The following PCDH11X variants were observed in gnomAD, a reference collection of about 807,000 sequenced individuals.
The protein encoded by PCDH11X is protocadherin 11 X-linked.
In PCDH11X, 18 loss-of-function variants were observed where a neutral mutation model predicts 53.3. The ratio of observed to expected loss-of-function variants is 0.34; its 90% confidence interval spans 0.23 to 0.50. The LOEUF is 0.50. Ranked by LOEUF, PCDH11X falls within the 20% of genes least tolerant of loss-of-function variation. The pLI, the probability that PCDH11X is intolerant of heterozygous loss-of-function variation, is 0.98. For missense variants in PCDH11X, 570 were observed against 1,032.4 expected (o/e 0.55, Z 6.14); for synonymous variants, 279 against 393.3 (o/e 0.71, Z 3.44).
chrX:92,394,980 G>A (rs12396232), intron 9 of PCDH11X, among the ~76,000 whole-genome samples: 2,322 of 111,174 alleles, frequency 0.021, 51 homozygotes, highest in East Asian at 0.097. Context: ...TGATTTCTGT[G>A]ATTTTTTAGT....
intron 4 of PCDH11X, among the ~76,000 whole-genome samples, chrX:91,817,801 G>A (rs1602278995): frequency 9.0e-6 from 1 of 111,374 alleles, no homozygotes; most frequent in Non-Finnish European, 1.9e-5. Context: ...AATCACCTTC[G>A]TTTCTAATTT....
At chrX:91,966,490 A>G (rs111982896) in intron 6 of PCDH11X, among the ~76,000 whole-genome samples, 8,475 of 105,182 alleles carry the variant, frequency 0.081, 1,105 homozygotes, top group African/African-American at 0.28. Context: ...ACACACCGGG[A>G]CCTGTCGGGG....
chrX:92,267,241 GC>G (rs1417955217), intron 8 of PCDH11X, among the ~76,000 whole-genome samples: 1 of 111,298 alleles, frequency 9.0e-6, no homozygotes, highest in Admixed American at 9.6e-5. Context: ...AGACTAAATT[GC>G]CCTTAGGGTT....
chrX:92,073,998 A>G (rs2063740193), intron 6 of PCDH11X, among the ~76,000 whole-genome samples: 1 of 111,745 alleles, frequency 8.9e-6, no homozygotes, highest in Admixed American at 9.5e-5. Context: ...CACTAAGTTC[A>G]TTTATTTTCT....
chrX:92,086,857 A>G (rs1205495134), intron 6 of PCDH11X, among the ~76,000 whole-genome samples: 2 of 110,752 alleles, frequency 1.8e-5, no homozygotes, highest in Non-Finnish European at 3.8e-5. Flanking sequence ...CAATACAGAT[A>G]TAATAAGCAA....
intron 8 of PCDH11X, among the ~76,000 whole-genome samples, chrX:92,368,158 A>G (rs768873461): frequency 9.7e-6 from 1 of 103,062 alleles, no homozygotes; most frequent in East Asian, 3.1e-4. Context: ...GTCTTTTCAC[A>G]TAGTCCTGTA....
chrX:92,060,351 G>T (rs2063507261), intron 6 of PCDH11X, among the ~76,000 whole-genome samples: 1 of 96,980 alleles, frequency 1.0e-5, no homozygotes, highest in Non-Finnish European at 2.1e-5. Context: ...TTTATTTTAG[G>T]TTCATGGGTA....
intron 9 of PCDH11X, among the ~76,000 whole-genome samples, chrX:92,448,068 A>G (rs2072695490): frequency 9.9e-6 from 1 of 101,266 alleles, no homozygotes; most frequent in Non-Finnish European, 2.0e-5. Context: ...CTGTACTCCC[A>G]TTGTATCTAG....
rs1569497552 is a variant in PCDH11X, at chrX:92,508,222, TG to T, written c.3367+39901del. Among the ~76,000 whole-genome samples, 331 of 64,221 alleles carry T rather than the reference TG, an allele frequency of 5.2e-3. 1 individual carries two copies. The highest frequency in any genetic ancestry group is 8.3e-3 in the African/African-American group (202 of 24,432). The allele number at this position is 64,221 out of a possible 115,157, so 55.8% of individuals were successfully genotyped here. A position where few individuals can be genotyped will look rare whatever the true frequency, so the allele number is the denominator to read the frequency against. ...ATAGTAACTCTACTTTGTTTTTTTTTGTTGTTTTTTTTGTTTTTGAGACAGA... is the reference window on the plus strand; with the variant it reads ...ATAGTAACTCTACTTTGTTTTTTTTTTTGTTTTTTTTGTTTTTGAGACAGA... On this transcript the variant is annotated intron_variant, in intron 10 of 10. Coordinates refer to ENST00000682573, the MANE Select transcript of PCDH11X (RefSeq NM_032968.5).
intron 7 of PCDH11X, among the ~76,000 whole-genome samples, chrX:92,212,056 A>C (rs1056893556): frequency 1.6e-3 from 139 of 86,849 alleles, no homozygotes; most frequent in Non-Finnish European, 2.7e-3. Flanking sequence ...TTGTCACCCA[A>C]GCTGGAGTGC....
At chrX:92,083,007 C>T (rs1457838604) in intron 6 of PCDH11X, among the ~76,000 whole-genome samples, 1 of 111,399 alleles carries the variant, frequency 9.0e-6, no homozygotes, top group Non-Finnish European at 1.9e-5. Context: ...TTTGAGCCTG[C>T]CATGTTTATT....
chrX:92,492,400 C>T lies in PCDH11X; in HGVS notation c.3367+24078C>T, dbSNP rs776405869. The stretch of plus-strand genomic sequence containing the variant: ...AATTTGCATTTTCCAGCATAACAAC[C>T]TTTATTGTGATATTATCTTCACTTC... On this transcript the variant is annotated intron_variant, in intron 10 of 10. Coordinates refer to ENST00000682573, the MANE Select transcript of PCDH11X (RefSeq NM_032968.5). 2.7e-5 allele frequency among the ~76,000 whole-genome samples: 3 copies of T among 111,974 alleles called. No homozygotes were observed. In the East Asian group the frequency reaches 8.4e-4, roughly 31 times the overall value.
At chrX:92,013,794 A>G (rs2062738458) in intron 6 of PCDH11X, among the ~76,000 whole-genome samples, 1 of 111,969 alleles carries the variant, frequency 8.9e-6, no homozygotes, top group East Asian at 2.8e-4. Flanking sequence ...AGGATTCCCT[A>G]TTTAATAAAT....
chrX:92,335,116 A>T (rs191067595), intron 8 of PCDH11X, among the ~76,000 whole-genome samples: 304 of 110,366 alleles, frequency 2.8e-3, no homozygotes, highest in Middle Eastern at 0.019. Flanking sequence ...GACATTCCCA[A>T]ACCCCCTTTT....
rs1941201991 is a variant in PCDH11X, at chrX:91,907,388, C to CAT, written c.3033+28116_3033+28117insTA. Among the ~76,000 whole-genome samples, 3 of 57,214 alleles carry CAT rather than the reference C, an allele frequency of 5.2e-5. No homozygotes were observed. In the East Asian group the frequency reaches 3.1e-3, roughly 58 times the overall value. The allele number at this position is 57,214 out of a possible 115,157, so 49.7% of individuals were successfully genotyped here. A position where few individuals can be genotyped will look rare whatever the true frequency, so the allele number is the denominator to read the frequency against. ...CACCCTCAACACACACACACACACA[C>CAT]ACACACACACACACACACACACACA... On this transcript the variant is annotated intron_variant, in intron 6 of 10. Coordinates refer to ENST00000682573, the MANE Select transcript of PCDH11X (RefSeq NM_032968.5).
At position 92,460,068 on chromosome X, in the gene PCDH11X, C is replaced by T; in HGVS notation, c.3344-8231C>T. The T allele has an allele frequency of 1.1e-5, 11 of 961,684 alleles. No individual in the cohort carries two copies. The Admixed American group carries it at 2.4e-4, about 21-fold the overall frequency. The allele number at this position is 961,684 out of a possible 1,213,427, so 79.3% of individuals were successfully genotyped here. A position where few individuals can be genotyped will look rare whatever the true frequency, so the allele number is the denominator to read the frequency against. ...GCCATTACTGCAAGACCATCGAGGA[C>T]CTGAGGGCTCAGATCTTCGCAAATA... On this transcript the variant is annotated intron_variant, in intron 9 of 10. Coordinates refer to ENST00000682573, the MANE Select transcript of PCDH11X (RefSeq NM_032968.5).
intron 6 of PCDH11X, among the ~76,000 whole-genome samples, chrX:92,175,783 T>TACACACACAC (rs1213559599): frequency 4.7e-5 from 4 of 85,844 alleles, no homozygotes; most frequent in Non-Finnish European, 8.7e-5. Flanking sequence ...TGTGTATATA[T>TACACACACAC]ATACACACAC....
rs763364315 is a variant in PCDH11X at position 92,309,316 on chromosome X, A to G, written c.3144+46173A>G. Among the ~76,000 whole-genome samples, 243 of 112,232 alleles carry G rather than the reference A, an allele frequency of 2.2e-3. 2 individuals are homozygous for G. Among genetic ancestry groups the G allele is most frequent in the African/African-American group, 7.4e-3 (229 of 30,953 alleles). On this transcript the variant is annotated intron_variant, in intron 8 of 10. Transcript: ENST00000682573. ...GTAGAATATCAGTCAGCTTTAAAAA[A>G]TGAGGGAAATTCTGCAATATGCTAC...
intron 10 of PCDH11X, among the ~76,000 whole-genome samples, chrX:92,582,679 C>T (rs1280491755): frequency 9.0e-6 from 1 of 111,013 alleles, no homozygotes; most frequent in African/African-American, 3.3e-5. Flanking sequence ...AAGAGGATCA[C>T]CATCCTCCAG....
Sources: allele counts gnomAD v4.1 joint callset (sites outside exome capture counted in the v4.1 genomes callset), GRCh38; gene constraint gnomAD v4.1.1; transcripts MANE v1.5; gene names NCBI Gene and HGNC (gene_info 2026-07-23, HGNC 2026-07-21).